CBR4: variants seen among roughly 807,000 people sequenced by gnomAD.
CBR4 encodes the protein carbonyl reductase 4.
In CBR4, 22 loss-of-function variants were observed where a neutral mutation model predicts 21.0. The ratio of observed to expected loss-of-function variants is 1.05; its 90% CI spans 0.75 to 1.50. The LOEUF is 1.50. Among genes scored for constraint, CBR4 ranks in the 40% most tolerant of loss-of-function variants. The pLI, the probability that CBR4 is intolerant of heterozygous loss-of-function variation, is 0.00. For missense variants in CBR4, 302 were observed against 286.3 expected, an observed-to-expected ratio of 1.05 and a Z score of -0.40; for synonymous variants, 100 against 104.4, an observed-to-expected ratio of 0.96 and a Z score of 0.26.
chr4:168,988,828 G>A lies in CBR4; in HGVS notation c.*1322C>T, dbSNP rs1764783948. ...TATTTAGAACACTGCTTTGACTTTT[G>A]TTATTACTTTGTATTTATTAGTATA... On this transcript the variant is annotated 3_prime_UTR_variant, in exon 5 of 5. Transcript: ENST00000306193. The A allele has an allele frequency of 1.0e-6, 1 of 953,514 alleles. No individual in the cohort carries two copies. The highest frequency in any genetic ancestry group is 1.2e-6 in the Non-Finnish European group (1 of 801,136). The allele number at this position is 953,514 out of a possible 1,614,324, so 59.1% of individuals were successfully genotyped here.
intron 2 of CBR4, among the ~76,000 whole-genome samples, chr4:168,925,740 CTCT>C (rs767045129): frequency 2.2e-4 from 34 of 152,066 alleles, no homozygotes; most frequent in South Asian, 4.1e-4. Context: ...CAGATTTTGC[CTCT>C]TCTTGAAATA....
intron 2 of CBR4, among the ~76,000 whole-genome samples, chr4:168,954,849 T>C (rs1254991957): frequency 6.6e-6 from 1 of 152,236 alleles, no homozygotes; most frequent in Middle Eastern, 3.4e-3. Context: ...CAGTCAAGAT[T>C]GGAACAGATC....
chr4:168,992,893 A>C (rs1479967138), intron 4 of CBR4, among the ~76,000 whole-genome samples: 1 of 152,204 alleles, frequency 6.6e-6, no homozygotes, highest in Admixed American at 6.5e-5. Flanking sequence ...TGTATGTTTC[A>C]CTGTGAAATT....
At chr4:168,968,179 T>C (rs894690115) in intron 2 of CBR4, among the ~76,000 whole-genome samples, 1 of 152,238 alleles carries the variant, frequency 6.6e-6, no homozygotes, top group African/African-American at 2.4e-5. Context: ...TGCCCTTTTT[T>C]ATGACTTTCT....
intron 1 of CBR4, among the ~76,000 whole-genome samples, chr4:169,009,375 A>G (rs1051735079): frequency 5.3e-5 from 8 of 152,246 alleles, no homozygotes; most frequent in African/African-American, 1.9e-4. Flanking sequence ...ACAATTTAAT[A>G]ACATTAAAGC....
chr4:168,944,387 A>C (rs6815188), intron 2 of CBR4, among the ~76,000 whole-genome samples: 3 of 152,078 alleles, frequency 2.0e-5, no homozygotes, highest in Non-Finnish European at 2.9e-5. Flanking sequence ...CTATGGCAGA[A>C]GGATTGCTTG....
chr4:168,971,325 GT>G (rs1260208374), intron 2 of CBR4, among the ~76,000 whole-genome samples: 3 of 151,916 alleles, frequency 2.0e-5, no homozygotes, highest in African/African-American at 4.8e-5. Flanking sequence ...CTGGAGTGCA[GT>G]GGTGCAACCC....
chr4:168,999,093 A>G (rs1730186003), intron 4 of CBR4, among the ~76,000 whole-genome samples: 2 of 152,134 alleles, frequency 1.3e-5, no homozygotes, highest in Admixed American at 1.3e-4. Flanking sequence ...TCCCATGAAC[A>G]GTTTATTTTA....
At chr4:168,949,131 T>C (rs1763472027) in intron 2 of CBR4, among the ~76,000 whole-genome samples, 1 of 152,078 alleles carries the variant, frequency 6.6e-6, no homozygotes. Context: ...GCAGCTATTG[T>C]AGAAGGGGTT....
At position 168,894,831 on chromosome 4, in the gene CBR4, A is replaced by AT. The variant is rs1754769514; in HGVS notation, n.170-67dup. ...ATATCATCAGTCAACCTCACAGCTA[A>AT]TTTTTATTGAGCACATACTATGTTA... On this transcript the variant is annotated intron_variant and non_coding_transcript_variant, in intron 2 of 3. Transcript: ENST00000509108. 8 of 1,251,546 alleles carry AT rather than the reference A, an allele frequency of 6.4e-6. No homozygotes were observed. The South Asian group carries it at 1.1e-4, about 17-fold the overall frequency. The allele number at this position is 1,251,546 out of a possible 1,614,324, so 77.5% of individuals were successfully genotyped here.
intron 2 of CBR4, among the ~76,000 whole-genome samples, chr4:168,951,755 A>G (rs1275513473): frequency 6.6e-6 from 1 of 152,186 alleles, no homozygotes; most frequent in Non-Finnish European, 1.5e-5. Flanking sequence ...AATCCCTTCT[A>G]GCTTGTAGGG....
At position 168,929,290 on chromosome 4, in the gene CBR4, C is replaced by T. The variant is rs887034807; in HGVS notation, n.170-34525G>A. On this transcript the variant is annotated intron_variant and non_coding_transcript_variant, in intron 2 of 3. Transcript: ENST00000509108. ...TATTTGGGCCTAGGCTTTCCTACTA[C>T]GGGAAAGAGAAAGCTGGTCATTTAT... 4.6e-5 allele frequency among the ~76,000 whole-genome samples: 7 copies of T among 152,210 alleles called. No individual in the cohort carries two copies. In the East Asian group the frequency reaches 1.2e-3, roughly 25 times the overall value.
chr4:168,993,995 C>T (rs930633446), intron 4 of CBR4, among the ~76,000 whole-genome samples: 1 of 152,106 alleles, frequency 6.6e-6, no homozygotes, highest in African/African-American at 2.4e-5. Flanking sequence ...AGCTCGGTCA[C>T]GGAGACCTTA....
intron 2 of CBR4, among the ~76,000 whole-genome samples, chr4:168,974,292 G>C (rs918965821): frequency 5.3e-5 from 8 of 152,212 alleles, no homozygotes; most frequent in African/African-American, 1.9e-4. Flanking sequence ...AAATCCGATA[G>C]GTTTTCCTTT....
chr4:168,951,544 G>C (rs1763541311), intron 2 of CBR4, among the ~76,000 whole-genome samples: 1 of 152,138 alleles, frequency 6.6e-6, no homozygotes, highest in South Asian at 2.1e-4. Flanking sequence ...GTTCTGCTTT[G>C]ATGTGTTTCC....
chr4:168,953,026 G>A (rs1763586169), intron 2 of CBR4, among the ~76,000 whole-genome samples: 1 of 152,164 alleles, frequency 6.6e-6, no homozygotes, highest in African/African-American at 2.4e-5. Context: ...GGTAGAGAAG[G>A]ACTAGCAGGT....
rs571304533 is a variant in CBR4 at position 169,007,277 on chromosome 4, A to G, written c.263+359T>C. On this transcript the variant is annotated intron_variant, in intron 2 of 4. Transcript: ENST00000306193. The stretch of plus-strand genomic sequence containing the variant: ...ATTCATCTTTTAAAAAATAATATCC[A>G]CTCCATGATTCTATTAGTATTAAGT... Among the ~76,000 whole-genome samples the G allele has an allele frequency of 7.9e-5, 12 of 152,104 alleles. No individual in the cohort carries two copies. The East Asian group carries it at 2.1e-3, about 27-fold the overall frequency.
chr4:168,989,956 T>C lies in CBR4; in HGVS notation c.*194A>G, dbSNP rs1280501137. On this transcript the variant is annotated 3_prime_UTR_variant, in exon 5 of 5. Coordinates refer to ENST00000306193, the MANE Select transcript of CBR4 (RefSeq NM_032783.5). ...TAAACAAAACAACACTGATGTAACT[T>C]AGACCAAAAAAAAAAAAACCACAAT... The C allele has an allele frequency of 8.1e-7, 1 of 1,242,198 alleles. No homozygotes were observed. Among genetic ancestry groups the C allele is most frequent in the Non-Finnish European group, 1.0e-6 (1 of 991,684 alleles). 76.9% of individuals were successfully genotyped at this position (1,242,198 alleles called of 1,614,324 possible). A position where few individuals can be genotyped will look rare whatever the true frequency, so the allele number is the denominator to read the frequency against.
At chr4:168,902,289 AG>A (rs1187179164) in intron 2 of CBR4, among the ~76,000 whole-genome samples, 1 of 150,970 alleles carries the variant, frequency 6.6e-6, no homozygotes, top group Non-Finnish European at 1.5e-5. Context: ...TTTGGCTGCA[AG>A]GAACAAAAAA....
Sources: gnomAD v4.1 joint callset for allele counts (sites outside exome capture counted in the v4.1 genomes callset) on GRCh38, gnomAD v4.1.1 for gene constraint, MANE v1.5 for transcripts, NCBI Gene and HGNC (gene_info 2026-07-23, HGNC 2026-07-21) for gene names.